The following DEPDC1B variants were observed in gnomAD, a reference collection of about 807,000 sequenced individuals.
DEPDC1B encodes DEP domain-containing protein 1B.
In DEPDC1B, 51 loss-of-function variants were observed where a neutral mutation model predicts 66.5. The observed-to-expected ratio is 0.77, with a 90% CI of 0.61 to 0.97. The LOEUF is 0.97. Ranked by LOEUF, DEPDC1B falls within the 50% of genes least tolerant of loss-of-function variation. DEPDC1B has a pLI of 0.00. For synonymous variants in DEPDC1B, 226 were observed against 223.6 expected, an observed-to-expected ratio of 1.01 and a Z score of -0.10; for missense variants, 552 against 637.1, an observed-to-expected ratio of 0.87 and a Z score of 1.44.
intron 1 of DEPDC1B, among the ~76,000 whole-genome samples, chr5:60,696,073 A>G (rs1331034723): frequency 6.6e-6 from 1 of 152,220 alleles, no homozygotes; most frequent in East Asian, 1.9e-4. Flanking sequence ...CTGAGATCAC[A>G]GGCATGAGCC....
intron 8 of DEPDC1B, 109 bp from the exon 9 acceptor site, chr5:60,603,676 C>T (rs1484247540): frequency 1.8e-6 from 2 of 1,128,326 alleles, no homozygotes; most frequent in Non-Finnish European, 2.4e-6. Flanking sequence ...GCACAGGGTG[C>T]ATATTCTACC....
chr5:60,646,332 A>G (rs1440875016), intron 3 of DEPDC1B, among the ~76,000 whole-genome samples: 1 of 152,216 alleles, frequency 6.6e-6, no homozygotes, highest in Non-Finnish European at 1.5e-5. Flanking sequence ...CTAGTACACA[A>G]TATTCCACAT....
At chr5:60,686,701 T>TG (rs2112031074) in intron 2 of DEPDC1B, among the ~76,000 whole-genome samples, 2 of 152,282 alleles carry the variant, frequency 1.3e-5, no homozygotes, top group South Asian at 4.1e-4. Flanking sequence ...ATTTCCCAGG[T>TG]GAGCAAAAGG....
At chr5:60,661,064 G>A (rs904828355) in intron 2 of DEPDC1B, among the ~76,000 whole-genome samples, 1 of 152,176 alleles carries the variant, frequency 6.6e-6, no homozygotes, top group African/African-American at 2.4e-5. Flanking sequence ...TCTCAATCCT[G>A]ACTCAAAAGG....
intron 2 of DEPDC1B, among the ~76,000 whole-genome samples, chr5:60,677,495 G>A (rs544474783): frequency 1.3e-5 from 2 of 152,010 alleles, no homozygotes; most frequent in East Asian, 3.9e-4. Context: ...AACTAAAAAG[G>A]ATCTTAAAGA....
At chr5:60,694,673 A>T (rs941611881) in intron 1 of DEPDC1B, among the ~76,000 whole-genome samples, 2 of 151,978 alleles carry the variant, frequency 1.3e-5, no homozygotes, top group Admixed American at 1.3e-4. Flanking sequence ...GAGATTTGCC[A>T]TTTTTCTATT....
At chr5:60,687,266 G>A in intron 1 of DEPDC1B, 39 bp from the exon 2 acceptor site, 1 of 1,563,158 alleles carries the variant, frequency 6.4e-7, no homozygotes, top group Non-Finnish European at 8.7e-7. Context: ...GTAATCAACT[G>A]ATTTTTTTAA....
chr5:60,608,785 T>G (rs1011871619), intron 7 of DEPDC1B, among the ~76,000 whole-genome samples: 2 of 152,102 alleles, frequency 1.3e-5, no homozygotes, highest in Non-Finnish European at 2.9e-5. Flanking sequence ...CTTGCCAAAC[T>G]TAGAGTAGAT....
intron 2 of DEPDC1B, among the ~76,000 whole-genome samples, chr5:60,657,440 C>T (rs964755358): frequency 2.0e-4 from 30 of 152,038 alleles, no homozygotes; most frequent in African/African-American, 7.0e-4. Flanking sequence ...GTATTTCATG[C>T]ATTTGTTTCA....
chr5:60,603,679 A>T, intron 8 of DEPDC1B, 112 bp from the exon 9 acceptor site: 2 of 1,123,630 alleles, frequency 1.8e-6, no homozygotes, highest in Non-Finnish European at 2.4e-6. Context: ...CAGGGTGCAT[A>T]TTCTACCAAG....
chr5:60,631,322 A>G (rs1350163334), intron 7 of DEPDC1B, among the ~76,000 whole-genome samples: 3 of 152,222 alleles, frequency 2.0e-5, no homozygotes, highest in Non-Finnish European at 4.4e-5. Flanking sequence ...GACATCATCT[A>G]TGAGGGCAGC....
At chr5:60,603,343 G>A (rs1752239463) in intron 9 of DEPDC1B, 48 bp downstream of exon 9, 21 of 1,443,910 alleles carry the variant, frequency 1.5e-5, no homozygotes, top group Non-Finnish European at 1.7e-5. Flanking sequence ...AAGCTTACGT[G>A]ACTTTATATT....
intron 2 of DEPDC1B, among the ~76,000 whole-genome samples, chr5:60,661,315 T>C (rs1753710487): frequency 6.6e-6 from 1 of 152,098 alleles, no homozygotes; most frequent in African/African-American, 2.4e-5. Flanking sequence ...CATTGGTAAA[T>C]GTAACTAATC....
At chr5:60,658,058 C>T (rs1023964757) in intron 2 of DEPDC1B, among the ~76,000 whole-genome samples, 4 of 151,984 alleles carry the variant, frequency 2.6e-5, no homozygotes, top group Admixed American at 2.0e-4. Flanking sequence ...CTCTGAAGTT[C>T]TTTCTTCTAT....
chr5:60,676,121 G>A (rs143953939), intron 2 of DEPDC1B, among the ~76,000 whole-genome samples: 2,850 of 151,612 alleles, frequency 0.019, 106 homozygotes, highest in African/African-American at 0.066. Flanking sequence ...TAGTAAAGAC[G>A]GGATTTCACT....
chr5:60,633,715 T>C (rs1255963632), intron 7 of DEPDC1B, among the ~76,000 whole-genome samples: 3 of 152,224 alleles, frequency 2.0e-5, no homozygotes, highest in Non-Finnish European at 4.4e-5. Context: ...AAAGAAAGTG[T>C]TCTTGGAATT....
chr5:60,650,231 T>C (rs894573365), intron 2 of DEPDC1B, among the ~76,000 whole-genome samples: 1 of 152,000 alleles, frequency 6.6e-6, no homozygotes, highest in African/African-American at 2.4e-5. Flanking sequence ...CTAAAATTTA[T>C]ATGAAAATGC....
intron 2 of DEPDC1B, among the ~76,000 whole-genome samples, chr5:60,656,187 G>A (rs1047524587): frequency 4.2e-5 from 6 of 142,484 alleles, no homozygotes; most frequent in African/African-American, 1.6e-4. Context: ...TTGAGACGGA[G>A]TCTCACTCTG....
chr5:60,615,287 CGGACAGTGGGTGCA>C (rs984848301), intron 7 of DEPDC1B, among the ~76,000 whole-genome samples: 97 of 152,164 alleles, frequency 6.4e-4, no homozygotes, highest in Admixed American at 2.8e-3. Flanking sequence ...TGGGGAGTGT[CGGACAGTGGGTGCA>C]GGACAGTGGG....
Sources: allele counts gnomAD v4.1 joint callset (sites outside exome capture counted in the v4.1 genomes callset), GRCh38; gene constraint gnomAD v4.1.1; transcripts MANE v1.5; gene names NCBI Gene and HGNC (gene_info 2026-07-23, HGNC 2026-07-21).